Variants in MALRD1 observed in about 807,000 individuals in gnomAD.
MALRD1 encodes the protein MAM and LDL-receptor class A domain-containing protein 1.
MALRD1 carries 247 observed loss-of-function variants against 242.1 expected under a neutral mutation model. The ratio of observed to expected loss-of-function variants is 1.02; its 90% CI spans 0.92 to 1.13. MALRD1 has a LOEUF of 1.13. Among genes scored for constraint, MALRD1 ranks in the 50% most tolerant of loss-of-function variants. MALRD1 has a pLI of 0.00. For missense variants in MALRD1, 2,989 were observed against 2,533.1 expected, an observed-to-expected ratio of 1.18 and a Z score of -3.86; for synonymous variants, 995 against 866.6, an observed-to-expected ratio of 1.15 and a Z score of -2.60.
In MALRD1 at chr10:19,381,013, A is replaced by C. The variant is rs569688071; in HGVS notation, c.4442-6515A>C. On this transcript the variant is annotated intron_variant, in intron 26 of 39. Transcript: ENST00000454679. ...CATGCTGGTGGGCTGCACCCACTAAATCGTCATCTAGCATTAGGTATATCT... is the reference window on the plus strand; with the variant it reads ...CATGCTGGTGGGCTGCACCCACTAACTCGTCATCTAGCATTAGGTATATCT... Among the ~76,000 whole-genome samples the C allele has an allele frequency of 1.8e-3, 261 of 148,232 alleles. 3 individuals carry two copies. Among genetic ancestry groups the C allele is most frequent in the Admixed American group, 4.6e-3 (69 of 14,894 alleles).
At chr10:19,059,815 T>G (rs1834770015) in intron 1 of MALRD1, among the ~76,000 whole-genome samples, 1 of 152,244 alleles carries the variant, frequency 6.6e-6, no homozygotes, top group South Asian at 2.1e-4. Context: ...TAGGCATATA[T>G]GCGATGTAAG....
intron 12 of MALRD1, among the ~76,000 whole-genome samples, chr10:19,159,878 T>C (rs192392317): frequency 5.9e-5 from 9 of 152,150 alleles, no homozygotes; most frequent in Admixed American, 1.3e-4. Context: ...AAATATATGA[T>C]TTAATGTATA....
intron 32 of MALRD1, among the ~76,000 whole-genome samples, chr10:19,565,902 T>A (rs544255657): frequency 1.3e-5 from 2 of 152,166 alleles, no homozygotes. Context: ...TTTTCTTTAG[T>A]TTATAATCAT....
intron 13 of MALRD1, among the ~76,000 whole-genome samples, chr10:19,166,296 G>T (rs1263603516): frequency 6.6e-6 from 1 of 152,142 alleles, no homozygotes; most frequent in Non-Finnish European, 1.5e-5. Context: ...GGAACTGGAG[G>T]ACATTATACA....
chr10:19,305,951 TTATATATAC>T (rs1444104139), intron 21 of MALRD1, among the ~76,000 whole-genome samples: 1 of 128,602 alleles, frequency 7.8e-6, no homozygotes, highest in Non-Finnish European at 1.6e-5. Flanking sequence ...ATACTATATA[TTATATATAC>T]TATATATACT....
At chr10:19,480,686 G>T (rs1836954486) in intron 29 of MALRD1, among the ~76,000 whole-genome samples, 1 of 152,238 alleles carries the variant, frequency 6.6e-6, no homozygotes, top group Non-Finnish European at 1.5e-5. Context: ...GATGACTTCT[G>T]AATCACTGAA....
At chr10:19,244,657 G>T (rs918085635) in intron 18 of MALRD1, among the ~76,000 whole-genome samples, 4 of 152,116 alleles carry the variant, frequency 2.6e-5, no homozygotes, top group African/African-American at 9.7e-5. Flanking sequence ...TTAAAAAATG[G>T]CCATTGCTAC....
At chr10:19,543,433 C>CTTTTTTTTTTT (rs71388849) in intron 32 of MALRD1, among the ~76,000 whole-genome samples, 31,856 of 104,714 alleles carry the variant, frequency 0.3, 6,651 homozygotes, top group Non-Finnish European at 0.42. Context: ...CAGCTGATTT[C>CTTTTTTTTTTT]TTTTTTTTTT....
At chr10:19,111,922 C>G (rs893627435) in intron 5 of MALRD1, among the ~76,000 whole-genome samples, 8 of 152,174 alleles carry the variant, frequency 5.3e-5, no homozygotes, top group Admixed American at 3.3e-4. Flanking sequence ...GAGATTGGCA[C>G]TTGGCTGGGG....
intron 29 of MALRD1, among the ~76,000 whole-genome samples, chr10:19,459,242 C>T (rs1161503734): frequency 1.3e-5 from 2 of 152,076 alleles, no homozygotes; most frequent in Non-Finnish European, 2.9e-5. Flanking sequence ...AGGTGTTAAC[C>T]AAAAGCTCCC....
chr10:19,708,543 G>A (rs1317047195), intron 38 of MALRD1, among the ~76,000 whole-genome samples: 1 of 89,898 alleles, frequency 1.1e-5, no homozygotes, highest in East Asian at 3.4e-4. Context: ...ACATGGTCTT[G>A]CTGTATTGTT....
intron 13 of MALRD1, among the ~76,000 whole-genome samples, chr10:19,168,751 TC>T (rs1377383834): frequency 6.6e-6 from 1 of 152,150 alleles, no homozygotes; most frequent in African/African-American, 2.4e-5. Flanking sequence ...CCAGCCCTGC[TC>T]CTCCCTCTCC....
chr10:19,157,780 T>C (rs1834228875), intron 12 of MALRD1, among the ~76,000 whole-genome samples: 1 of 152,190 alleles, frequency 6.6e-6, no homozygotes, highest in Admixed American at 6.5e-5. Context: ...TTTTTTTTCC[T>C]ACATAATCCT....
chr10:19,049,140 A>G lies in MALRD1; in HGVS notation c.199+3A>G. ...GGATAGCAGTGATGAACGGCACTGTAAGTGACATTCTCCTTTCTCCAATTT... is the reference window on the plus strand; with the variant it reads ...GGATAGCAGTGATGAACGGCACTGTGAGTGACATTCTCCTTTCTCCAATTT... On this transcript the variant is annotated splice_donor_region_variant and intron_variant, in intron 1 of 39. Coordinates refer to ENST00000454679, the MANE Select transcript of MALRD1 (RefSeq NM_001142308.3). The G allele has an allele frequency of 8.1e-7, 1 of 1,233,842 alleles. No homozygotes were observed. The highest frequency in any genetic ancestry group is 1.0e-6 in the Non-Finnish European group (1 of 988,092). The allele number at this position is 1,233,842 out of a possible 1,614,324, so 76.4% of individuals were successfully genotyped here. A position where few individuals can be genotyped will look rare whatever the true frequency, so the allele number is the denominator to read the frequency against.
At chr10:19,330,370 C>A (rs542223017) in intron 23 of MALRD1, among the ~76,000 whole-genome samples, 54 of 151,816 alleles carry the variant, frequency 3.6e-4, no homozygotes, top group Non-Finnish European at 5.6e-4. Flanking sequence ...ATAATTATTT[C>A]TTTTAAGAAA....
intron 19 of MALRD1, among the ~76,000 whole-genome samples, chr10:19,276,575 A>G (rs552638221): frequency 6.6e-5 from 10 of 152,170 alleles, no homozygotes; most frequent in Non-Finnish European, 1.3e-4. Context: ...CATCAAGGCT[A>G]GCGAATTTTT....
At chr10:19,726,475 A>C (rs1351376863) in intron 38 of MALRD1, among the ~76,000 whole-genome samples, 1 of 152,208 alleles carries the variant, frequency 6.6e-6, no homozygotes, top group Non-Finnish European at 1.5e-5. Flanking sequence ...ATGAGGAGAA[A>C]TAGAAACCCT....
chr10:19,315,189 TATA>T (rs1464606725), intron 21 of MALRD1, among the ~76,000 whole-genome samples: 4 of 125,856 alleles, frequency 3.2e-5, no homozygotes, highest in Non-Finnish European at 4.8e-5. Flanking sequence ...AATATATAAA[TATA>T]ATTTATAGAA....
In MALRD1 at chr10:19,087,884, A is replaced by T. The variant is rs1030591797; in HGVS notation, c.385A>T (p.Ser129Cys). The T allele has an allele frequency of 1.8e-5, 22 of 1,233,302 alleles. No individual in the cohort carries two copies. The highest frequency in any genetic ancestry group is 2.2e-5 in the Non-Finnish European group (22 of 987,824). 76.4% of individuals were successfully genotyped at this position (1,233,302 alleles called of 1,614,324 possible). A position where few individuals can be genotyped will look rare whatever the true frequency, so the allele number is the denominator to read the frequency against. Residue 129 changes from serine to cysteine, a missense_variant, in exon 3 of 40, where the codon AGT becomes TGT. By Grantham distance (112) the Ser-to-Cys change is moderately radical. Transcript: ENST00000454679. ...TTCCAGAGTGGATTCTATTTCCTCAAGTTTAAGAAGCAGAGTTTTCCTTCC... is the reference window on the plus strand; with the variant it reads ...TTCCAGAGTGGATTCTATTTCCTCATGTTTAAGAAGCAGAGTTTTCCTTCC... The part of the protein sequence containing the change: ...LVSRVDSISS[S>C]LRSRVFLPTN...
Sources: gnomAD v4.1 joint callset for allele counts (sites outside exome capture counted in the v4.1 genomes callset) on GRCh38, gnomAD v4.1.1 for gene constraint, MANE v1.5 for transcripts, NCBI Gene and HGNC (gene_info 2026-07-23, HGNC 2026-07-21) for gene names.